Variants in KRTCAP3 observed in about 807,000 individuals in gnomAD.
The protein encoded by KRTCAP3 is keratinocyte associated protein 3.
In KRTCAP3, 18 loss-of-function variants were observed where a neutral mutation model predicts 20.5. The ratio of observed to expected loss-of-function variants is 0.88; its 90% CI spans 0.61 to 1.31. KRTCAP3 has a LOEUF of 1.31. Ranked by LOEUF, KRTCAP3 falls within the 50% of genes most tolerant of loss-of-function variation. The pLI is 0.00. For missense variants in KRTCAP3, 347 were observed against 310.4 expected, an observed-to-expected ratio of 1.12 and a Z score of -0.89; for synonymous variants, 167 against 133.7, an observed-to-expected ratio of 1.25 and a Z score of -1.72.
downstream of KRTCAP3, chr2:27,445,113 G>A: frequency 1.9e-6 from 3 of 1,613,460 alleles, no homozygotes; most frequent in Non-Finnish European, 2.5e-6. This position sits in a 1 kb window ranked among gnomAD's most constrained non-coding sequence, Gnocchi z 4.4. Flanking sequence ...ATCCTGTGGA[G>A]GAAGAAAAAA....
chr2:27,444,617 G>A (rs1664863706), downstream of KRTCAP3: 1 of 888,614 alleles, frequency 1.1e-6, no homozygotes, highest in Admixed American at 2.0e-5. Context: ...CTGCCTTCCT[G>A]TAATCCCACC....
At chr2:27,444,794 C>T (rs1664891952), downstream of KRTCAP3, among the ~76,000 whole-genome samples, 1 of 152,120 alleles carries the variant, frequency 6.6e-6, no homozygotes, top group South Asian at 2.1e-4. Context: ...ATTACAGGTG[C>T]ACGCCACCAG....
rs992755228 is a variant in KRTCAP3, at chr2:27,442,517, C to G, written c.29-62C>G. The G allele has an allele frequency of 2.6e-6, 4 of 1,523,156 alleles. No individual in the cohort carries two copies. In the African/African-American group the frequency reaches 5.5e-5, roughly 21 times the overall value. 94.4% of individuals were successfully genotyped at this position (1,523,156 alleles called of 1,614,324 possible). A position where few individuals can be genotyped will look rare whatever the true frequency, so the allele number is the denominator to read the frequency against. ...CCCGTCCTACTGCCCGCGGTTAACC[C>G]GCCGCGAGCCGCCTCTCCCCTCCCC... On this transcript the variant is annotated intron_variant, in intron 1 of 6. Transcript: ENST00000288873.
rs936156237 is a variant in KRTCAP3 at position 27,444,217 on chromosome 2, G to GT, written c.*45dup. ...CTGTTCCGAGACTCAGTCCTAAAGGGTTTTTTTTCCCACTAAGCAAGGGGC... is the reference window on the plus strand; with the variant it reads ...CTGTTCCGAGACTCAGTCCTAAAGGGTTTTTTTTTCCCACTAAGCAAGGGGC... On this transcript the variant is annotated 3_prime_UTR_variant, in exon 7 of 7. Transcript: ENST00000288873. 143 of 656,442 alleles carry GT rather than the reference G, an allele frequency of 2.2e-4. No individual in the cohort carries two copies. Among genetic ancestry groups the GT allele is most frequent in the Non-Finnish European group, 3.0e-4 (113 of 372,462 alleles). 40.7% of individuals were successfully genotyped at this position (656,442 alleles called of 1,614,324 possible). A position where few individuals can be genotyped will look rare whatever the true frequency, so the allele number is the denominator to read the frequency against.
chr2:27,445,587 G>T, downstream of KRTCAP3: 1 of 1,286,398 alleles, frequency 7.8e-7, no homozygotes, highest in Non-Finnish European at 1.1e-6. This position sits in a 1 kb window ranked among gnomAD's most constrained non-coding sequence, Gnocchi z 4.4. Context: ...TGGATTGGGG[G>T]ATGCAGTCAC....
chr2:27,442,937 G>C (rs775295356), intron 3 of KRTCAP3, 36 bp downstream of exon 3: 240 of 1,610,478 alleles, frequency 1.5e-4, no homozygotes, highest in Non-Finnish European at 1.9e-4. Context: ...TAACGAGTAG[G>C]CTTGAGTCAG....
At chr2:27,445,410 C>T, downstream of KRTCAP3, 1 of 1,612,528 alleles carries the variant, frequency 6.2e-7, no homozygotes. This position sits in a 1 kb window ranked among gnomAD's most constrained non-coding sequence, Gnocchi z 4.4. Context: ...TCCATGGAGA[C>T]TGTAAGCACC....
At chr2:27,443,602 G>A (rs920289698) in intron 5 of KRTCAP3, 70 bp downstream of exon 5, 15 of 1,556,312 alleles carry the variant, frequency 9.6e-6, no homozygotes, top group Non-Finnish European at 1.3e-5. Context: ...TGACCGGCCG[G>A]GTGCGGAGGC....
chr2:27,443,920 A>T, intron 5 of KRTCAP3, 29 bp from the exon 6 acceptor site: 1 of 1,196,796 alleles, frequency 8.4e-7, no homozygotes, highest in Non-Finnish European at 1.3e-6. Flanking sequence ...ATTCAGGGCG[A>T]GGGTGTCTAA....
downstream of KRTCAP3, chr2:27,445,246 C>T (rs752473707): frequency 6.3e-7 from 1 of 1,589,704 alleles, no homozygotes; most frequent in Non-Finnish European, 8.6e-7. The surrounding 1 kb of genome is among the most constrained non-coding windows in gnomAD (Gnocchi z 4.4). Context: ...TTTATTGATC[C>T]TGCTGCTTTC....
downstream of KRTCAP3, chr2:27,445,428 G>A (rs760097703): frequency 4.3e-6 from 7 of 1,611,356 alleles, no homozygotes; most frequent in East Asian, 4.5e-5. The surrounding 1 kb of genome is among the most constrained non-coding windows in gnomAD (Gnocchi z 4.4). Flanking sequence ...ACCCAGTCTC[G>A]AACCTCTTCT....
chr2:27,442,872 G>A lies in KRTCAP3; in HGVS notation c.244G>A (p.Ala82Thr), dbSNP rs1402645377. 1 of 1,612,570 alleles carries A rather than the reference G, an allele frequency of 6.2e-7. No individual in the cohort carries two copies. Among genetic ancestry groups the A allele is most frequent in the Admixed American group, 1.7e-5 (1 of 60,000 alleles). ...TTCCGTGGGACTTGTGGCCCTCCTGGCGTCCAGGAACCTTCTTCGCCCTCC... is the reference window on the plus strand; with the variant it reads ...TTCCGTGGGACTTGTGGCCCTCCTGACGTCCAGGAACCTTCTTCGCCCTCC... ...SVSVGLVALL[A>T]SRNLLRPPLH... Residue 82 changes from alanine to threonine, a missense_variant, in exon 3 of 7, where the codon GCG (alanine) becomes ACG (threonine). By Grantham distance (58) the Ala-to-Thr change is moderately conservative. Coordinates refer to ENST00000288873, the MANE Select transcript of KRTCAP3 (RefSeq NM_173853.4).
In KRTCAP3 at chr2:27,443,596, C is replaced by T. The variant is rs146997997; in HGVS notation, c.615+64C>T. The T allele has an allele frequency of 8.7e-4, 1,363 of 1,572,088 alleles. 3 individuals are homozygous for T. In the African/African-American group the frequency reaches 9.0e-3, roughly 10 times the overall value. On this transcript the variant is annotated intron_variant, in intron 5 of 6. Transcript: ENST00000288873. ...CTGGCTGTGTTGAAAAGATGCTGAC[C>T]GGCCGGGTGCGGAGGCTCACACCTG...
In KRTCAP3 at chr2:27,442,775, AG is replaced by A. The variant is rs1471318604; in HGVS notation, c.213+14del. The A allele has an allele frequency of 6.2e-7, 1 of 1,610,798 alleles. No homozygotes were observed. Among genetic ancestry groups the A allele is most frequent in the East Asian group, 2.2e-5 (1 of 44,786 alleles). ...GCTCGGGGCTGCTGGTGAGCGCGGCAGGCGACCCGGGCGGGGGCCGGGCTCC... is the reference window on the plus strand; with the variant it reads ...GCTCGGGGCTGCTGGTGAGCGCGGCAGCGACCCGGGCGGGGGCCGGGCTCC... On this transcript the variant is annotated intron_variant, in intron 2 of 6. Coordinates refer to ENST00000288873, the MANE Select transcript of KRTCAP3 (RefSeq NM_173853.4).
chr2:27,446,299 A>G (rs571624967), downstream of KRTCAP3: 1 of 1,614,242 alleles, frequency 6.2e-7, no homozygotes, highest in East Asian at 2.2e-5. Flanking sequence ...CTTTGTCTAC[A>G]GGTAGTAGCT....
downstream of KRTCAP3, chr2:27,445,866 G>C (rs572561805): frequency 6.2e-7 from 1 of 1,614,152 alleles, no homozygotes; most frequent in East Asian, 2.2e-5. The surrounding 1 kb of genome is among the most constrained non-coding windows in gnomAD (Gnocchi z 4.4). Flanking sequence ...GGGCAACCAT[G>C]AACTAGGCAC....
Position 27,442,914 on chromosome 2 carries a change from T to A in KRTCAP3, c.273+13T>A. 6.2e-7 allele frequency: 1 copy of A among 1,613,044 alleles called. No homozygotes were observed. Among genetic ancestry groups the A allele is most frequent in the South Asian group, 1.1e-5 (1 of 91,070 alleles). Reference sequence around the variant, plus strand: ...TCGCCCTCCACTGGTGAGAGGGACTTCCCTGGAGCTTTTAACGAGTAGGCT... The same window carrying A: ...TCGCCCTCCACTGGTGAGAGGGACTACCCTGGAGCTTTTAACGAGTAGGCT... On this transcript the variant is annotated intron_variant, in intron 3 of 6. Transcript: ENST00000288873.
Position 27,442,555 on chromosome 2 carries a change from C to T in KRTCAP3, c.29-24C>T, listed in dbSNP as rs1386683465. On this transcript the variant is annotated intron_variant, in intron 1 of 6. Coordinates refer to ENST00000288873, the MANE Select transcript of KRTCAP3 (RefSeq NM_173853.4). ...CTCTCCCCTCCCCGCCCGACTCAACCCTGCCCTCCCCCGTGCTTTGCAGAC... is the reference window on the plus strand; with the variant it reads ...CTCTCCCCTCCCCGCCCGACTCAACTCTGCCCTCCCCCGTGCTTTGCAGAC... The T allele has an allele frequency of 3.9e-6, 6 of 1,530,824 alleles. No individual in the cohort carries two copies. The Admixed American group carries it at 6.4e-5, about 16-fold the overall frequency. 94.8% of individuals were successfully genotyped at this position (1,530,824 alleles called of 1,614,324 possible). A position where few individuals can be genotyped will look rare whatever the true frequency, so the allele number is the denominator to read the frequency against.
intron 5 of KRTCAP3, 42 bp downstream of exon 5, chr2:27,443,574 G>A (rs1664754593): frequency 2.5e-6 from 4 of 1,610,774 alleles, no homozygotes; most frequent in Middle Eastern, 1.7e-4. Flanking sequence ...ACAGAGACTG[G>A]CTGTGTTGAA....
Sources: allele counts gnomAD v4.1 joint callset (sites outside exome capture counted in the v4.1 genomes callset), GRCh38; gene constraint gnomAD v4.1.1; non-coding constraint Gnocchi (gnomAD v3.1); transcripts MANE v1.5; gene names NCBI Gene and HGNC (gene_info 2026-07-23, HGNC 2026-07-21).